IGFL2: variants seen among roughly 807,000 people sequenced by gnomAD.
IGFL2 encodes the protein insulin growth factor-like family member 2.
A neutral mutation model predicts 13.9 loss-of-function variants in IGFL2; 7 were observed. The ratio of observed to expected loss-of-function variants is 0.51; its 90% confidence interval spans 0.29 to 0.95. The LOEUF (loss-of-function observed/expected upper bound fraction) is 0.95. Ranked by LOEUF, IGFL2 falls within the 40% of genes least tolerant of loss-of-function variation. The probability of loss-of-function intolerance (pLI) is 0.08; values close to 1 mark genes in which losing one functional copy is unlikely to be tolerated. For missense variants in IGFL2, 138 were observed against 147.8 expected (o/e 0.93, Z 0.34); for synonymous variants, 55 against 55.8 (o/e 0.99, Z 0.07).
At chr19:46,158,350 A>G (rs13345147) in intron 1 of IGFL2, among the ~76,000 whole-genome samples, 2,883 of 152,122 alleles carry the variant, frequency 0.019, 88 homozygotes, top group African/African-American at 0.066. Flanking sequence ...CTGGGATTAC[A>G]GGTGCGCACT....
At chr19:46,161,318 CT>C (rs71175262), downstream of IGFL2, 33,977 of 237,498 alleles carry the variant, frequency 0.14, 98 homozygotes, top group Middle Eastern at 0.18. Flanking sequence ...CGTCTCCTTT[CT>C]TTTTTTTTTT....
At chr19:46,094,517 T>C in the IGFL2 span, among the ~76,000 whole-genome samples, 1 of 151,862 alleles carries the variant, frequency 6.6e-6, no homozygotes, top group African/African-American at 2.4e-5. Context: ...TTTTTTTGTG[T>C]GTTTTTAAAT....
chr19:46,089,652 G>T, the IGFL2 span, among the ~76,000 whole-genome samples: 4 of 143,440 alleles, frequency 2.8e-5, no homozygotes, highest in Admixed American at 7.0e-5. Context: ...TTGGTGGTAG[G>T]TTTTTTTTTT....
chr19:46,145,663 ATATTT>A (rs200606842), upstream of IGFL2, among the ~76,000 whole-genome samples: 2,793 of 150,578 alleles, frequency 0.019, 67 homozygotes, highest in Non-Finnish European at 0.024. Flanking sequence ...TTTAATATAT[ATATTT>A]AAATTTTGCC....
At chr19:46,158,966 G>A (rs910523028) in intron 1 of IGFL2, 2 of 152,184 alleles carry the variant, frequency 1.3e-5, no homozygotes, top group South Asian at 2.1e-4. Context: ...ATAGGCATTG[G>A]TTTACCTTGT....
chr19:46,200,574 G>A, the IGFL2 span, among the ~76,000 whole-genome samples: 1 of 149,956 alleles, frequency 6.7e-6, no homozygotes, highest in South Asian at 2.1e-4. Flanking sequence ...GGAGTGCAGT[G>A]GTCTTATCAT....
At chr19:46,182,427 G>C in the IGFL2 span, among the ~76,000 whole-genome samples, 2 of 144,278 alleles carry the variant, frequency 1.4e-5, no homozygotes, top group Non-Finnish European at 3.0e-5. Flanking sequence ...CTCACAATTT[G>C]CTTGTGTTTT....
chr19:46,160,367 T>C (rs781240893), intron 1 of IGFL2, 48 bp from the exon 2 acceptor site: 2 of 1,558,502 alleles, frequency 1.3e-6, no homozygotes, highest in Non-Finnish European at 1.8e-6. Flanking sequence ...ATCAACCTAG[T>C]GGCCACACTT....
the IGFL2 span, among the ~76,000 whole-genome samples, chr19:46,177,947 C>CT: frequency 6.6e-6 from 1 of 152,120 alleles, no homozygotes; most frequent in South Asian, 2.1e-4. Context: ...TCCCTTCCCT[C>CT]TTGGAGTTTA....
chr19:46,122,276 A>G, the IGFL2 span, among the ~76,000 whole-genome samples: 1 of 151,028 alleles, frequency 6.6e-6, no homozygotes, highest in Non-Finnish European at 1.5e-5. Flanking sequence ...AGCCAGGGTA[A>G]GGTTTTAGAA....
chr19:46,090,027 C>T, the IGFL2 span, among the ~76,000 whole-genome samples: 261 of 152,140 alleles, frequency 1.7e-3, no homozygotes, highest in Non-Finnish European at 3.1e-3. Context: ...AAGCTTTCTT[C>T]ATTTCTTTTT....
the IGFL2 span, among the ~76,000 whole-genome samples, chr19:46,133,842 C>T: frequency 6.6e-6 from 1 of 152,246 alleles, no homozygotes; most frequent in Non-Finnish European, 1.5e-5. Flanking sequence ...GTCTTGGGTT[C>T]TTGGGCTCTC....
the IGFL2 span, among the ~76,000 whole-genome samples, chr19:46,174,816 G>A: frequency 3.3e-5 from 5 of 152,154 alleles, no homozygotes; most frequent in African/African-American, 1.2e-4. Context: ...TCTGGAATGT[G>A]GCTCGGTAAT....
chr19:46,136,852 G>A, the IGFL2 span: 2 of 723,270 alleles, frequency 2.8e-6, no homozygotes, highest in East Asian at 2.7e-5. Context: ...ATTGGAGTAG[G>A]GGGAGGAGTG....
intron 2 of IGFL2, 69 bp from the exon 3 acceptor site, chr19:46,160,545 T>C: frequency 6.2e-7 from 1 of 1,612,558 alleles, no homozygotes; most frequent in South Asian, 1.1e-5. Context: ...CACAGAGGGC[T>C]CCTGATTGGG....
At chr19:46,196,989 CT>C in the IGFL2 span, 1 of 216,556 alleles carries the variant, frequency 4.6e-6, no homozygotes. Flanking sequence ...CCCACCTGCC[CT>C]TCCACCTGGA....
the IGFL2 span, chr19:46,120,284 G>C: frequency 1.2e-6 from 2 of 1,609,256 alleles, no homozygotes; most frequent in Non-Finnish European, 1.7e-6. Flanking sequence ...CAGCTGCTTC[G>C]TCTCTTCTCC....
chr19:46,171,918 G>C, the IGFL2 span, among the ~76,000 whole-genome samples: 1 of 152,078 alleles, frequency 6.6e-6, no homozygotes, highest in Non-Finnish European at 1.5e-5. Flanking sequence ...ATAATATATT[G>C]TTACACCAAA....
the IGFL2 span, among the ~76,000 whole-genome samples, chr19:46,131,810 A>G: frequency 1.3e-5 from 2 of 152,096 alleles, no homozygotes; most frequent in Non-Finnish European, 2.9e-5. Flanking sequence ...ATGGTGGCCT[A>G]TGCTTGTAGT....
Sources: gnomAD v4.1 joint callset for allele counts (sites outside exome capture counted in the v4.1 genomes callset) on GRCh38, gnomAD v4.1.1 for gene constraint, MANE v1.5 for transcripts, NCBI Gene and HGNC (gene_info 2026-07-23, HGNC 2026-07-21) for gene names.